Variants in DHX9 observed in about 807,000 individuals in gnomAD.
DHX9 encodes ATP-dependent RNA helicase A.
In DHX9, 27 loss-of-function variants were observed where a neutral mutation model predicts 148.7. That is an observed-to-expected ratio of 0.18 (90% CI 0.13 to 0.25). DHX9 has a LOEUF of 0.25. Among genes scored for constraint, DHX9 ranks in the 10% least tolerant of loss-of-function variants. DHX9 has a pLI of 1.00. For synonymous variants in DHX9, 529 were observed against 516.6 expected (o/e 1.02, Z -0.33); for missense variants, 796 against 1,559.6 (o/e 0.51, Z 8.25).
chr1:182,852,365 C>T, intron 4 of DHX9, 21 bp downstream of exon 4: 1 of 1,520,098 alleles, frequency 6.6e-7, no homozygotes, highest in Non-Finnish European at 9.0e-7. Context: ...TGAATCCATG[C>T]ACGTGGTGGA....
chr1:182,850,246 T>C (rs113443119), intron 3 of DHX9, among the ~76,000 whole-genome samples: 190 of 152,262 alleles, frequency 1.2e-3, no homozygotes, highest in African/African-American at 4.4e-3. Context: ...GCATCAGTAC[T>C]TGACTATTAT....
chr1:182,872,440 A>G lies in DHX9; in HGVS notation c.1661A>G (p.Tyr554Cys). Residue 554 changes from tyrosine (Y) to cysteine (C), a missense_variant, in exon 15 of 28, where the codon TAT becomes TGT. Around this residue, in one of 14 missense-constraint regions of DHX9, gnomAD observed 133 missense variants for 223.8 expected, o/e 0.59. Transcript: ENST00000367549. Reference protein sequence around the residue: ...ATIDTSMFCEYFFNCPIIEVY... With the variant: ...ATIDTSMFCECFFNCPIIEVY... ...ATTGATACCAGCATGTTTTGTGAAT[A>G]TTTCTTCAATTGCCCCATCATTGAA... 6.2e-7 allele frequency: 1 copy of G among 1,613,968 alleles called. No homozygotes were observed. Among genetic ancestry groups the G allele is most frequent in the Non-Finnish European group, 8.5e-7 (1 of 1,179,970 alleles).
At chr1:182,878,782 T>C (rs186283441) in intron 20 of DHX9, among the ~76,000 whole-genome samples, 2 of 152,238 alleles carry the variant, frequency 1.3e-5, no homozygotes, top group Non-Finnish European at 2.9e-5. Context: ...TTAAGTGTCA[T>C]GTCAGAAGTC....
intron 25 of DHX9, 56 bp from the exon 26 acceptor site, chr1:182,883,464 G>A (rs1034473602): frequency 4.6e-5 from 73 of 1,571,344 alleles, no homozygotes; most frequent in Middle Eastern, 3.4e-4. Context: ...AGTATATAGC[G>A]GTATTTGGAA....
intron 26 of DHX9, 148 bp downstream of exon 26, chr1:182,883,783 G>T: frequency 2.1e-6 from 1 of 481,580 alleles, no homozygotes. Flanking sequence ...ACCAGTAGAA[G>T]CAAATGCATT....
chr1:182,885,614 A>G (rs1649284103), intron 27 of DHX9, among the ~76,000 whole-genome samples: 1 of 152,202 alleles, frequency 6.6e-6, no homozygotes, highest in African/African-American at 2.4e-5. Flanking sequence ...TTCCTCATCA[A>G]AAATGATGTA....
At chr1:182,880,910 G>A (rs1022194166) in intron 22 of DHX9, among the ~76,000 whole-genome samples, 5 of 152,172 alleles carry the variant, frequency 3.3e-5, no homozygotes, top group Admixed American at 6.5e-5. Flanking sequence ...GGGTGGGAGG[G>A]TCCCTTGTTA....
At chr1:182,875,057 T>C in intron 16 of DHX9, 103 bp downstream of exon 16, 1 of 919,896 alleles carries the variant, frequency 1.1e-6, no homozygotes, top group South Asian at 1.4e-5. Flanking sequence ...CAGCAAACTT[T>C]CTTAAAAACT....
intron 6 of DHX9, among the ~76,000 whole-genome samples, chr1:182,854,418 C>T (rs1169395659): frequency 1.3e-5 from 2 of 152,172 alleles, no homozygotes; most frequent in East Asian, 3.8e-4. Flanking sequence ...ACATGCTAGA[C>T]ATTTAAGATG....
At chr1:182,882,565 C>G (rs546948102) in intron 24 of DHX9, among the ~76,000 whole-genome samples, 2 of 152,014 alleles carry the variant, frequency 1.3e-5, no homozygotes, top group Non-Finnish European at 2.9e-5. Context: ...GATTGGGGGA[C>G]TTTAAAAAGT....
chr1:182,857,630 A>T (rs573215822), intron 7 of DHX9, among the ~76,000 whole-genome samples: 43 of 152,308 alleles, frequency 2.8e-4, no homozygotes, highest in Non-Finnish European at 4.4e-4. Context: ...TTAAAGGCAG[A>T]GTTGAGTAGT....
intron 15 of DHX9, among the ~76,000 whole-genome samples, chr1:182,873,364 AAG>A (rs1424568913): frequency 2.6e-5 from 4 of 152,220 alleles, no homozygotes; most frequent in Admixed American, 2.0e-4. Flanking sequence ...GCATGAAAAT[AAG>A]AGAGAAACAG....
At chr1:182,883,394 A>G (rs1166442528) in intron 25 of DHX9, 26 bp downstream of exon 25, 2 of 1,602,964 alleles carry the variant, frequency 1.2e-6, no homozygotes, top group African/African-American at 1.3e-5. Context: ...AAAAGTTTAC[A>G]TTGAAAGTTG....
chr1:182,859,175 G>A (rs895375833), intron 11 of DHX9, 58 bp downstream of exon 11: 2 of 1,503,256 alleles, frequency 1.3e-6, no homozygotes, highest in African/African-American at 2.8e-5. Flanking sequence ...TCTAGGTATG[G>A]GTAAAAAGTC....
intron 3 of DHX9, among the ~76,000 whole-genome samples, chr1:182,849,750 T>A (rs1356943538): frequency 1.3e-5 from 2 of 152,228 alleles, no homozygotes; most frequent in African/African-American, 2.4e-5. Context: ...TTTTGGGCTT[T>A]AAGGATCATT....
intron 12 of DHX9, among the ~76,000 whole-genome samples, chr1:182,862,635 A>G (rs1557971603): frequency 6.6e-6 from 1 of 152,178 alleles, no homozygotes; most frequent in Non-Finnish European, 1.5e-5. Context: ...TGCATTAGGA[A>G]TCTTGACATT....
At chr1:182,869,606 T>G (rs1255570755) in intron 14 of DHX9, among the ~76,000 whole-genome samples, 2 of 150,646 alleles carry the variant, frequency 1.3e-5, no homozygotes, top group Non-Finnish European at 2.9e-5. Flanking sequence ...CCAGTTTGGT[T>G]TGGTCTTGTC....
Position 182,878,060 on chromosome 1 carries a change from C to A in DHX9, c.2238C>A (p.Thr746=). The A allele has an allele frequency of 1.2e-6, 2 of 1,614,170 alleles. No individual in the cohort carries two copies. Among genetic ancestry groups the A allele is most frequent in the South Asian group, 1.1e-5 (1 of 91,076 alleles). ...TCTTCACTGCTCACAACAATATGAC[C>A]AACTATGCTACCGTATGGGCATCAA... The part of the protein sequence containing the change: ...VKLFTAHNNM[T]NYATVWASKT... The change falls in exon 20 of 28, where the codon ACC becomes ACA. Residue 746 remains threonine, a synonymous_variant. Coordinates refer to ENST00000367549, the MANE Select transcript of DHX9 (RefSeq NM_001357.5).
In DHX9 at chr1:182,887,584, C is replaced by T; in HGVS notation, c.*150C>T. 1 of 625,302 alleles carries T rather than the reference C, an allele frequency of 1.6e-6. No individual in the cohort carries two copies. The allele number at this position is 625,302 out of a possible 1,614,324, so 38.7% of individuals were successfully genotyped here. On this transcript the variant is annotated 3_prime_UTR_variant, in exon 28 of 28. Transcript: ENST00000367549. Reference sequence around the variant, plus strand: ...TTCATTGTAGTTTAAGGAAACCAAGCATATAGATGCATTAGTGATTTTGTT... The same window carrying T: ...TTCATTGTAGTTTAAGGAAACCAAGTATATAGATGCATTAGTGATTTTGTT...
Sources: gnomAD v4.1 joint callset for allele counts (sites outside exome capture counted in the v4.1 genomes callset) on GRCh38, gnomAD v4.1.1 for gene constraint, gnomAD v4.1.1 regional missense constraint, MANE v1.5 for transcripts, NCBI Gene and HGNC (gene_info 2026-07-23, HGNC 2026-07-21) for gene names.